FAM135B: variants seen among roughly 807,000 people sequenced by gnomAD.
FAM135B encodes protein FAM135B.
Under a neutral mutation model 127.7 loss-of-function variants are expected in FAM135B, and 43 were observed. The ratio of observed to expected loss-of-function variants is 0.34; its 90% CI spans 0.26 to 0.43. FAM135B has a LOEUF of 0.43. Ranked by LOEUF, FAM135B falls within the 20% of genes least tolerant of loss-of-function variation. FAM135B has a pLI of 1.00. For missense variants in FAM135B, 1,558 were observed against 1,725.6 expected (o/e 0.90, Z 1.72); for synonymous variants, 670 against 665.1 (o/e 1.01, Z -0.11).
intron 3 of FAM135B, among the ~76,000 whole-genome samples, chr8:138,303,021 G>C (rs751257242): frequency 2.6e-5 from 4 of 152,234 alleles, no homozygotes; most frequent in Non-Finnish European, 5.9e-5. Flanking sequence ...GTGGAAGACA[G>C]TGTGGCAATT....
chr8:138,309,930 C>A (rs1249029694), intron 3 of FAM135B, among the ~76,000 whole-genome samples: 2 of 140,672 alleles, frequency 1.4e-5, no homozygotes, highest in African/African-American at 5.4e-5. Context: ...AGTGCAGTGG[C>A]ACAATCTTGG....
chr8:138,314,807 G>A (rs1826954469), intron 2 of FAM135B, among the ~76,000 whole-genome samples: 1 of 150,136 alleles, frequency 6.7e-6, no homozygotes, highest in South Asian at 2.1e-4. Context: ...TTGAGAACAG[G>A]AGGTTGAAGA....
chr8:138,301,639 C>T (rs1361376388), intron 3 of FAM135B, among the ~76,000 whole-genome samples: 1 of 152,174 alleles, frequency 6.6e-6, no homozygotes, highest in Non-Finnish European at 1.5e-5. Flanking sequence ...AGGCACCAGC[C>T]AGCCAGCATT....
At chr8:138,393,386 C>A (rs1225671308) in intron 1 of FAM135B, among the ~76,000 whole-genome samples, 4 of 151,410 alleles carry the variant, frequency 2.6e-5, no homozygotes, top group African/African-American at 7.3e-5. Flanking sequence ...GGACTTCTCA[C>A]AAACTTTAAC....
At chr8:138,156,782 C>T (rs530432984) in intron 12 of FAM135B, among the ~76,000 whole-genome samples, 64 of 152,248 alleles carry the variant, frequency 4.2e-4, no homozygotes, top group African/African-American at 1.5e-3. Flanking sequence ...CAATAACAGG[C>T]TCTGAAATTG....
intron 2 of FAM135B, among the ~76,000 whole-genome samples, chr8:138,337,556 GT>G (rs1828700453): frequency 2.0e-5 from 3 of 152,132 alleles, no homozygotes; most frequent in South Asian, 4.2e-4. Flanking sequence ...TACAAGGGAT[GT>G]GAAGGATCTC....
intron 2 of FAM135B, among the ~76,000 whole-genome samples, chr8:138,333,615 C>T (rs1828343037): frequency 6.6e-6 from 1 of 152,178 alleles, no homozygotes; most frequent in Non-Finnish European, 1.5e-5. Flanking sequence ...TTAGCTAGAC[C>T]TGAGCACTTT....
chr8:138,393,437 C>G (rs1587335457), intron 1 of FAM135B, among the ~76,000 whole-genome samples: 1 of 150,600 alleles, frequency 6.6e-6, no homozygotes, highest in Non-Finnish European at 1.5e-5. Flanking sequence ...GGGATACACT[C>G]TAGGACACTG....
chr8:138,290,552 C>T (rs1483410762), intron 3 of FAM135B, among the ~76,000 whole-genome samples: 2 of 152,036 alleles, frequency 1.3e-5, no homozygotes, highest in South Asian at 2.1e-4. Flanking sequence ...GAGGAAAGAC[C>T]CCACTTGAGA....
chr8:138,460,557 G>A (rs1201745624), intron 1 of FAM135B, among the ~76,000 whole-genome samples: 1 of 152,208 alleles, frequency 6.6e-6, no homozygotes, highest in Non-Finnish European at 1.5e-5. Flanking sequence ...CCATGCCTCA[G>A]AGTATACATT....
At chr8:138,340,957 A>G (rs1829006758) in intron 2 of FAM135B, among the ~76,000 whole-genome samples, 1 of 152,206 alleles carries the variant, frequency 6.6e-6, no homozygotes, top group Non-Finnish European at 1.5e-5. Flanking sequence ...CACAAGACGG[A>G]GCACTTTCCT....
At chr8:138,375,130 T>C (rs1831382044) in intron 1 of FAM135B, among the ~76,000 whole-genome samples, 1 of 150,928 alleles carries the variant, frequency 6.6e-6, no homozygotes, top group South Asian at 2.1e-4. Flanking sequence ...ATGCCAGCTC[T>C]GGCAAAAAAA....
At chr8:138,329,413 G>GTC (rs1828018787) in intron 2 of FAM135B, among the ~76,000 whole-genome samples, 10 of 152,198 alleles carry the variant, frequency 6.6e-5, no homozygotes, top group African/African-American at 2.4e-4. Flanking sequence ...GGTGTCTGAA[G>GTC]TCATTCTGGA....
intron 1 of FAM135B, among the ~76,000 whole-genome samples, chr8:138,413,778 G>C (rs1336437215): frequency 6.6e-6 from 1 of 151,956 alleles, no homozygotes; most frequent in Non-Finnish European, 1.5e-5. Context: ...CCTGCACCCA[G>C]TTTGCTGTTA....
In FAM135B at chr8:138,485,911, G is replaced by A. The variant is rs529438181; in HGVS notation, c.-20+10760C>T. Among the ~76,000 whole-genome samples the A allele has an allele frequency of 1.5e-4, 23 of 152,204 alleles. No homozygotes were observed. In the South Asian group the frequency reaches 3.1e-3, roughly 21 times the overall value. ...AAGTATGATATGTGAGTGAGTGTGT[G>A]GCTAAGGGGAGTAGAAGAAAAGCTA... is the stretch of plus-strand genomic sequence containing the variant. On this transcript the variant is annotated intron_variant, in intron 1 of 19. Transcript: ENST00000395297.
intron 3 of FAM135B, among the ~76,000 whole-genome samples, chr8:138,272,820 A>G (rs1823488074): frequency 6.6e-6 from 1 of 152,362 alleles, no homozygotes; most frequent in South Asian, 2.1e-4. Context: ...AACAGAGTCC[A>G]GTGTATGGCG....
intron 2 of FAM135B, among the ~76,000 whole-genome samples, chr8:138,345,373 A>G (rs909752579): frequency 1.3e-5 from 2 of 152,216 alleles, no homozygotes; most frequent in Non-Finnish European, 2.9e-5. Flanking sequence ...AGGCATGAGC[A>G]GGAGTTGGCG....
intron 1 of FAM135B, among the ~76,000 whole-genome samples, chr8:138,447,305 G>A (rs1410156644): frequency 6.6e-6 from 1 of 151,996 alleles, no homozygotes; most frequent in Non-Finnish European, 1.5e-5. Context: ...CCATTACTGG[G>A]TATATACCCA....
chr8:138,161,443 T>C (rs573993615), intron 12 of FAM135B, among the ~76,000 whole-genome samples: 154 of 152,314 alleles, frequency 1.0e-3, no homozygotes, highest in African/African-American at 3.5e-3. Context: ...GTCTGTATCA[T>C]GGCTGTCATG....
Sources: allele counts gnomAD v4.1 joint callset (sites outside exome capture counted in the v4.1 genomes callset), GRCh38; gene constraint gnomAD v4.1.1; transcripts MANE v1.5; gene names NCBI Gene and HGNC (gene_info 2026-07-23, HGNC 2026-07-21).